The following SCFD2 variants were observed in gnomAD, a reference collection of about 807,000 sequenced individuals.
The protein encoded by SCFD2 is sec1 family domain containing 2.
Under a neutral mutation model 58.9 loss-of-function variants are expected in SCFD2, and 54 were observed. The ratio of observed to expected loss-of-function variants is 0.92; its 90% CI spans 0.74 to 1.15. SCFD2 has a LOEUF of 1.15. Ranked by LOEUF, SCFD2 falls within the 50% of genes most tolerant of loss-of-function variation. SCFD2 has a pLI of 0.00. For synonymous variants in SCFD2, 321 were observed against 335.9 expected (o/e 0.96, Z 0.49); for missense variants, 805 against 836.6 (o/e 0.96, Z 0.47).
At chr4:53,037,079 G>A (rs1722782822) in intron 5 of SCFD2, among the ~76,000 whole-genome samples, 1 of 152,018 alleles carries the variant, frequency 6.6e-6, no homozygotes, top group Admixed American at 6.6e-5. Context: ...ACTTTAAAAA[G>A]TGAATATCCC....
chr4:52,964,760 C>T (rs1720923912), intron 5 of SCFD2, among the ~76,000 whole-genome samples: 1 of 150,106 alleles, frequency 6.7e-6, no homozygotes, highest in South Asian at 2.1e-4. Flanking sequence ...TCTCAAACAC[C>T]CATCAAGTGC....
chr4:53,269,999 C>A (rs1731112061), intron 4 of SCFD2, among the ~76,000 whole-genome samples: 1 of 152,142 alleles, frequency 6.6e-6, no homozygotes, highest in African/African-American at 2.4e-5. Flanking sequence ...GCACTCCAAC[C>A]TGGGTGACAG....
chr4:53,220,266 A>G (rs1178100797), intron 4 of SCFD2, among the ~76,000 whole-genome samples: 2 of 152,226 alleles, frequency 1.3e-5, no homozygotes, highest in African/African-American at 4.8e-5. Flanking sequence ...AAAGGAACAC[A>G]TGCTATAGAA....
rs183009471 is a variant in SCFD2 at position 53,216,833 on chromosome 4, T to A, written c.1311+56993A>T. On this transcript the variant is annotated intron_variant, in intron 4 of 8. Coordinates refer to ENST00000401642, the MANE Select transcript of SCFD2 (RefSeq NM_152540.4). ...ACTGCTTTGAATGTGTCCCAGAGAT[T>A]CTGGTATGTTGTGTCTTTGTTCTCA... 4.1e-3 allele frequency among the ~76,000 whole-genome samples: 632 copies of A among 152,340 alleles called. 3 individuals are homozygous for A. The highest frequency in any genetic ancestry group is 0.015 in the African/African-American group (608 of 41,576).
intron 5 of SCFD2, among the ~76,000 whole-genome samples, chr4:53,127,872 T>C (rs1725674181): frequency 6.6e-6 from 1 of 151,474 alleles, no homozygotes; most frequent in Admixed American, 6.6e-5. Context: ...GAGGACACGG[T>C]GGGTGTAGCA....
chr4:53,099,994 T>C (rs928996801), intron 5 of SCFD2, among the ~76,000 whole-genome samples: 4 of 152,152 alleles, frequency 2.6e-5, no homozygotes, highest in Admixed American at 2.0e-4. Context: ...AACAAAAAAC[T>C]AATTTGGAAG....
intron 4 of SCFD2, among the ~76,000 whole-genome samples, chr4:53,193,301 T>C (rs989851022): frequency 3.9e-5 from 6 of 152,180 alleles, no homozygotes; most frequent in Non-Finnish European, 8.8e-5. Flanking sequence ...ATTTCTTAAG[T>C]GGTTAGTCAG....
At chr4:53,244,144 G>A (rs1404157003) in intron 4 of SCFD2, among the ~76,000 whole-genome samples, 4 of 152,042 alleles carry the variant, frequency 2.6e-5, no homozygotes, top group Non-Finnish European at 5.9e-5. Flanking sequence ...ATAATTGTGG[G>A]AGACTTCGAC....
intron 2 of SCFD2, among the ~76,000 whole-genome samples, chr4:53,343,520 A>C (rs1733953789): frequency 6.6e-6 from 1 of 152,212 alleles, no homozygotes; most frequent in Non-Finnish European, 1.5e-5. Context: ...AGTCCACCAG[A>C]GGTACAAGGA....
chr4:53,092,112 G>C (rs1212911745), intron 5 of SCFD2, among the ~76,000 whole-genome samples: 2 of 152,110 alleles, frequency 1.3e-5, no homozygotes, highest in East Asian at 1.9e-4. Flanking sequence ...GCAAATTACA[G>C]TGCATATTTG....
At chr4:53,293,575 A>G in intron 3 of SCFD2, among the ~76,000 whole-genome samples, 1 of 152,220 alleles carries the variant, frequency 6.6e-6, no homozygotes, top group East Asian at 1.9e-4. Flanking sequence ...CTAAAGTTCA[A>G]CATCCTTTCT....
chr4:53,351,772 C>G (rs1401842288), intron 2 of SCFD2, among the ~76,000 whole-genome samples: 1 of 152,110 alleles, frequency 6.6e-6, no homozygotes, highest in Non-Finnish European at 1.5e-5. Flanking sequence ...AATAAGTATT[C>G]TTAAATATCT....
chr4:53,086,723 A>G (rs1228615705), intron 5 of SCFD2, among the ~76,000 whole-genome samples: 2 of 152,228 alleles, frequency 1.3e-5, no homozygotes, highest in Non-Finnish European at 2.9e-5. Flanking sequence ...AGATTCTGTC[A>G]TTTGCAACAA....
At chr4:53,148,657 AC>A (rs1726410148) in intron 4 of SCFD2, among the ~76,000 whole-genome samples, 1 of 152,076 alleles carries the variant, frequency 6.6e-6, no homozygotes, top group Admixed American at 6.5e-5. Context: ...TAAAAACTTT[AC>A]CATTGTTGTG....
At chr4:53,218,154 T>A (rs1392285769) in intron 4 of SCFD2, among the ~76,000 whole-genome samples, 1 of 152,266 alleles carries the variant, frequency 6.6e-6, no homozygotes, top group South Asian at 2.1e-4. Flanking sequence ...TATCTTTGTG[T>A]CATTCTCTGT....
At chr4:53,084,317 T>C (rs1415569578) in intron 5 of SCFD2, among the ~76,000 whole-genome samples, 1 of 152,172 alleles carries the variant, frequency 6.6e-6, no homozygotes, top group Non-Finnish European at 1.5e-5. Context: ...TTATAGGCTC[T>C]CTGCAAGAAG....
chr4:53,354,117 G>T (rs1300698662), intron 1 of SCFD2, among the ~76,000 whole-genome samples: 2 of 152,262 alleles, frequency 1.3e-5, no homozygotes, highest in Admixed American at 1.3e-4. Context: ...ATGGGACAGG[G>T]TGCTGCGGAG....
chr4:52,883,959 C>A (rs562470557), intron 8 of SCFD2, among the ~76,000 whole-genome samples: 60 of 152,280 alleles, frequency 3.9e-4, no homozygotes, highest in African/African-American at 1.4e-3. Context: ...CGTTGGGTGT[C>A]TGGAGACCAG....
At chr4:52,992,262 C>T (rs1345163867) in intron 5 of SCFD2, among the ~76,000 whole-genome samples, 20 of 152,316 alleles carry the variant, frequency 1.3e-4, no homozygotes, top group Admixed American at 9.8e-4. Flanking sequence ...CTCCTAACCG[C>T]GAGTGATCTG....
Sources: allele counts gnomAD v4.1 joint callset (sites outside exome capture counted in the v4.1 genomes callset), GRCh38; gene constraint gnomAD v4.1.1; transcripts MANE v1.5; gene names NCBI Gene and HGNC (gene_info 2026-07-23, HGNC 2026-07-21).